PSMA8: variants seen among roughly 807,000 people sequenced by gnomAD.
PSMA8 encodes the protein proteasome subunit alpha-type 8.
Under a neutral mutation model 32.4 loss-of-function variants are expected in PSMA8, and 18 were observed. The ratio of observed to expected loss-of-function variants is 0.56; its 90% CI spans 0.38 to 0.82. PSMA8 has a LOEUF of 0.82. PSMA8 is among the 40% of genes least tolerant of loss of function. PSMA8 has a pLI of 0.00. For missense variants in PSMA8, 298 were observed against 300.7 expected (o/e 0.99, Z 0.07); for synonymous variants, 104 against 98.1 (o/e 1.06, Z -0.36).
intron 3 of PSMA8, among the ~76,000 whole-genome samples, chr18:26,153,875 A>C (rs970346781): frequency 6.6e-6 from 1 of 151,926 alleles, no homozygotes; most frequent in Non-Finnish European, 1.5e-5. Flanking sequence ...TTTTGGCATG[A>C]GTTTTACCAT....
intron 4 of PSMA8, 21 bp downstream of exon 4, chr18:26,158,265 T>C (rs1193621127): frequency 6.4e-7 from 1 of 1,567,196 alleles, no homozygotes. Context: ...AATTTATTAA[T>C]ACTTTTTTAG....
intron 4 of PSMA8, among the ~76,000 whole-genome samples, chr18:26,172,513 G>C (rs2055230679): frequency 6.6e-6 from 1 of 152,176 alleles, no homozygotes; most frequent in Admixed American, 6.5e-5. Flanking sequence ...TGGTTTATAG[G>C]TATGTAGCAA....
Position 26,192,438 on chromosome 18 carries a change from T to C in PSMA8, c.*27T>C. 4.0e-6 allele frequency: 6 copies of C among 1,513,426 alleles called. No individual in the cohort carries two copies. The highest frequency in any genetic ancestry group is 5.2e-6 in the Non-Finnish European group (6 of 1,143,230). The allele number at this position is 1,513,426 out of a possible 1,614,324, so 93.7% of individuals were successfully genotyped here. A position where few individuals can be genotyped will look rare whatever the true frequency, so the allele number is the denominator to read the frequency against. ...TCTTAGGATGACCACTGGGAGGTCT[T>C]AATGTTTTGTTTTATTGTACTGCCT... On this transcript the variant is annotated 3_prime_UTR_variant, in exon 7 of 7. Coordinates refer to ENST00000415576, the MANE Select transcript of PSMA8 (RefSeq NM_001025096.2).
At position 26,168,058 on chromosome 18, in the gene PSMA8, AATT is replaced by A. The variant is rs1404428196; in HGVS notation, c.477+9818_477+9820del. Reference sequence around the variant, plus strand: ...TTAGTTACCTTCATGGGTTTTTCCAAATTATTGTTTTTTTTTAGTTTTTCAAGT... The same window carrying A: ...TTAGTTACCTTCATGGGTTTTTCCAAATTGTTTTTTTTTAGTTTTTCAAGT... On this transcript the variant is annotated intron_variant, in intron 4 of 6. Coordinates refer to ENST00000415576, the MANE Select transcript of PSMA8 (RefSeq NM_001025096.2). Among the ~76,000 whole-genome samples the A allele has an allele frequency of 1.8e-5, 2 of 112,430 alleles. 1 individual carries two copies. The highest frequency in any genetic ancestry group is 3.2e-5 in the Non-Finnish European group (2 of 62,790). 73.8% of individuals were successfully genotyped at this position (112,430 alleles called of 152,430 possible). A position where few individuals can be genotyped will look rare whatever the true frequency, so the allele number is the denominator to read the frequency against.
intron 4 of PSMA8, among the ~76,000 whole-genome samples, chr18:26,170,344 C>T (rs541402572): frequency 2.3e-5 from 3 of 131,716 alleles, no homozygotes; most frequent in Non-Finnish European, 4.5e-5. Flanking sequence ...TGGATATACA[C>T]GTAGGAATCT....
chr18:26,179,598 G>A (rs1376668837), intron 6 of PSMA8, among the ~76,000 whole-genome samples: 1 of 152,094 alleles, frequency 6.6e-6, no homozygotes, highest in African/African-American at 2.4e-5. Context: ...GGTTAAAACT[G>A]CTGGACTACA....
In PSMA8 at chr18:26,134,894, C is replaced by T. The variant is rs943433862; in HGVS notation, c.102+827C>T. Among the ~76,000 whole-genome samples the T allele has an allele frequency of 2.6e-5, 4 of 151,294 alleles. No individual in the cohort carries two copies. In the South Asian group the frequency reaches 6.2e-4, roughly 24 times the overall value. On this transcript the variant is annotated intron_variant, in intron 1 of 6. Coordinates refer to ENST00000415576, the MANE Select transcript of PSMA8 (RefSeq NM_001025096.2). Reference sequence around the variant, plus strand: ...GCTTGAACCTGGGAGGCAGAGGTTGCGGTGAGCCGAGATCGTGCCATTGCA... The same window carrying T: ...GCTTGAACCTGGGAGGCAGAGGTTGTGGTGAGCCGAGATCGTGCCATTGCA...
chr18:26,186,248 CAAAAAAAAAAAA>C (rs534639436), intron 6 of PSMA8, among the ~76,000 whole-genome samples: 6,520 of 27,860 alleles, frequency 0.23, 550 homozygotes, highest in African/African-American at 0.39. Flanking sequence ...GACTCTGTCT[CAAAAAAAAAAAA>C]AAAAAAAAAA....
chr18:26,174,574 C>T (rs564564626), intron 4 of PSMA8, among the ~76,000 whole-genome samples: 2 of 152,154 alleles, frequency 1.3e-5, no homozygotes, highest in Non-Finnish European at 2.9e-5. Flanking sequence ...CTATTCTATA[C>T]TATTTTAAGG....
chr18:26,163,233 A>G (rs1160538407), intron 4 of PSMA8, among the ~76,000 whole-genome samples: 65 of 114,490 alleles, frequency 5.7e-4, no homozygotes, highest in African/African-American at 2.4e-3. Flanking sequence ...ATATATATAT[A>G]TATATATATA....
intron 4 of PSMA8, among the ~76,000 whole-genome samples, chr18:26,159,561 C>T (rs182393955): frequency 2.6e-5 from 4 of 152,004 alleles, no homozygotes; most frequent in Non-Finnish European, 4.4e-5. Context: ...CTTCTGTTTG[C>T]ATTTATCATT....
chr18:26,185,414 C>A (rs1285358070), intron 6 of PSMA8, among the ~76,000 whole-genome samples: 2 of 150,696 alleles, frequency 1.3e-5, no homozygotes, highest in African/African-American at 4.9e-5. Flanking sequence ...ATATTGGCTT[C>A]ATCCTAAAGT....
At position 26,187,783 on chromosome 18, in the gene PSMA8, A is replaced by G. The variant is rs73407502; in HGVS notation, c.661-4536A>G. On this transcript the variant is annotated intron_variant, in intron 6 of 6. Transcript: ENST00000415576. ...AACACTGTAGAACCTAGATATGTAA[A>G]GTAAACATTATTAGAGCTAAAAAAA... is the stretch of plus-strand genomic sequence containing the variant. Among the ~76,000 whole-genome samples, 1,096 of 152,300 alleles carry G rather than the reference A, an allele frequency of 7.2e-3. 16 individuals carry two copies. The highest frequency in any genetic ancestry group is 0.025 in the African/African-American group (1,039 of 41,566).
chr18:26,159,905 TAAA>T (rs34398992), intron 4 of PSMA8, among the ~76,000 whole-genome samples: 3 of 151,938 alleles, frequency 2.0e-5, no homozygotes, highest in African/African-American at 7.3e-5. Context: ...ACGCAGCTTT[TAAA>T]AAAAATCATC....
intron 1 of PSMA8, 77 bp downstream of exon 1, chr18:26,134,144 CT>C: frequency 9.6e-7 from 1 of 1,036,308 alleles, no homozygotes. Context: ...CCCAGCCCAC[CT>C]TTCCATCCTA....
At chr18:26,183,086 T>C (rs2055325368) in intron 6 of PSMA8, among the ~76,000 whole-genome samples, 2 of 147,096 alleles carry the variant, frequency 1.4e-5, no homozygotes, top group African/African-American at 5.1e-5. Context: ...AACGAGACTC[T>C]GTCTCAAAAA....
chr18:26,179,286 T>G (rs1486930839), intron 6 of PSMA8, among the ~76,000 whole-genome samples, 156 bp downstream of exon 6: 1 of 141,638 alleles, frequency 7.1e-6, no homozygotes, highest in East Asian at 2.0e-4. Context: ...GTTTTTTGTT[T>G]GTTTTTTGTG....
intron 4 of PSMA8, 69 bp from the exon 5 acceptor site, chr18:26,178,761 A>G: frequency 1.4e-6 from 2 of 1,447,728 alleles, no homozygotes; most frequent in South Asian, 1.3e-5. Context: ...AAACCTCTAA[A>G]CTTTACTTAG....
intron 1 of PSMA8, among the ~76,000 whole-genome samples, chr18:26,135,502 A>G (rs2054904644): frequency 6.6e-6 from 1 of 152,124 alleles, no homozygotes; most frequent in Admixed American, 6.5e-5. Context: ...GTATTTTTCT[A>G]TTTAATTGGG....
Sources: gnomAD v4.1 joint callset for allele counts (sites outside exome capture counted in the v4.1 genomes callset) on GRCh38, gnomAD v4.1.1 for gene constraint, MANE v1.5 for transcripts, NCBI Gene and HGNC (gene_info 2026-07-23, HGNC 2026-07-21) for gene names.